NHS: variants seen among roughly 807,000 people sequenced by gnomAD.
NHS encodes the protein NHS actin remodeling regulator, also known as actin remodeling regulator NHS.
NHS carries 5 observed loss-of-function variants against 72.5 expected under a neutral mutation model. That is an observed-to-expected ratio of 0.07 (90% CI 0.04 to 0.14). The LOEUF is 0.14. Ranked by LOEUF, NHS falls within the 10% of genes least tolerant of loss-of-function variation. The probability of loss-of-function intolerance (pLI) is 1.00; values close to 1 mark genes in which losing one functional copy is unlikely to be tolerated. For missense variants in NHS, 1,072 were observed against 1,355.7 expected (o/e 0.79, Z 3.29); for synonymous variants, 464 against 547.7 (o/e 0.85, Z 2.13).
intron 1 of NHS, among the ~76,000 whole-genome samples, chrX:17,433,426 G>A (rs1239932216): frequency 9.1e-6 from 1 of 110,295 alleles, no homozygotes; most frequent in Admixed American, 9.7e-5. Flanking sequence ...TGCTTCTTTG[G>A]TTCATAGCTG....
intron 1 of NHS, among the ~76,000 whole-genome samples, chrX:17,603,290 C>T (rs1205021377): frequency 1.8e-5 from 2 of 112,326 alleles, no homozygotes; most frequent in African/African-American, 3.2e-5. Context: ...TTTGTGCACA[C>T]ATTTGTATTT....
At chrX:17,623,203 T>A (rs1348712351) in intron 1 of NHS, among the ~76,000 whole-genome samples, 1 of 112,218 alleles carries the variant, frequency 8.9e-6, no homozygotes, top group African/African-American at 3.2e-5. Context: ...CCTCCCAAAG[T>A]GCTCGGATTA....
chrX:17,613,761 T>A (rs2147058300), intron 1 of NHS, among the ~76,000 whole-genome samples: 1 of 112,200 alleles, frequency 8.9e-6, no homozygotes, highest in South Asian at 3.7e-4. Flanking sequence ...AGAAATATTT[T>A]AAATGTACTG....
At chrX:17,690,350 C>G (rs777259272) in intron 2 of NHS, among the ~76,000 whole-genome samples, 1 of 112,302 alleles carries the variant, frequency 8.9e-6, no homozygotes, top group Admixed American at 9.4e-5. Context: ...TCAGCAAATG[C>G]TGCAGTGAGC....
At chrX:17,440,693 C>A (rs1028122139) in intron 1 of NHS, among the ~76,000 whole-genome samples, 8 of 111,583 alleles carry the variant, frequency 7.2e-5, no homozygotes, top group Non-Finnish European at 1.5e-4. Flanking sequence ...AAGGAAATTC[C>A]TTGTTTTCCT....
intron 1 of NHS, among the ~76,000 whole-genome samples, chrX:17,486,947 T>C (rs2064969868): frequency 9.0e-6 from 1 of 111,042 alleles, no homozygotes; most frequent in Admixed American, 9.6e-5. Flanking sequence ...GTAAGAAAAC[T>C]GAGGCACAGA....
chrX:17,511,368 A>G (rs2065086971), intron 1 of NHS, among the ~76,000 whole-genome samples: 2 of 111,709 alleles, frequency 1.8e-5, no homozygotes, highest in South Asian at 7.6e-4. Flanking sequence ...TGCCCCTGTC[A>G]CATAGTATAG....
intron 1 of NHS, among the ~76,000 whole-genome samples, chrX:17,575,195 A>C (rs755397406): frequency 8.9e-6 from 1 of 112,131 alleles, no homozygotes; most frequent in Non-Finnish European, 1.9e-5. Context: ...TGGGTCACAC[A>C]CTGGCGTGCC....
At chrX:17,544,031 T>C (rs1401748232) in intron 1 of NHS, among the ~76,000 whole-genome samples, 1 of 112,525 alleles carries the variant, frequency 8.9e-6, no homozygotes. Context: ...CTAGATAATA[T>C]TTTCTTTCAA....
At chrX:17,607,531 C>T (rs1209923839) in intron 1 of NHS, among the ~76,000 whole-genome samples, 1 of 111,527 alleles carries the variant, frequency 9.0e-6, no homozygotes, top group Non-Finnish European at 1.9e-5. Flanking sequence ...TTCTGTTTCT[C>T]CCCCTAGTAA....
At chrX:17,414,933 A>G (rs1338169516) in intron 1 of NHS, among the ~76,000 whole-genome samples, 1 of 111,315 alleles carries the variant, frequency 9.0e-6, no homozygotes, top group Non-Finnish European at 1.9e-5. Flanking sequence ...GAAAGGCAGA[A>G]GAGAAAATGG....
chrX:17,617,197 A>C (rs1263193521), intron 1 of NHS, among the ~76,000 whole-genome samples: 1 of 111,772 alleles, frequency 8.9e-6, no homozygotes, highest in Non-Finnish European at 1.9e-5. Context: ...TAGGCTGTGA[A>C]TTGGGGTCTG....
chrX:17,715,982 T>C (rs753183695), intron 3 of NHS, among the ~76,000 whole-genome samples: 1 of 111,961 alleles, frequency 8.9e-6, no homozygotes, highest in Non-Finnish European at 1.9e-5. Flanking sequence ...TCCCTCCACA[T>C]CCAAGCTCCA....
chrX:17,656,285 G>A (rs933912264), intron 1 of NHS, among the ~76,000 whole-genome samples: 4 of 113,582 alleles, frequency 3.5e-5, no homozygotes, highest in Non-Finnish European at 7.5e-5. Flanking sequence ...CTGAGCGGGC[G>A]CCAGGGGAGG....
rs1267166704 is a variant in NHS, at chrX:17,685,616, CTTGATAT to C, written c.566-2123_566-2117del. 7.2e-5 allele frequency among the ~76,000 whole-genome samples: 8 copies of C among 111,031 alleles called. No homozygotes were observed. The South Asian group carries it at 2.7e-3, about 37-fold the overall frequency. ...AAAAAATGCTTTTTTTTTCAGGTAA[CTTGATAT>C]TTAATATTTAATAATGAGGGAAGAG... On this transcript the variant is annotated intron_variant, in intron 1 of 8. Coordinates refer to ENST00000676302, the MANE Select transcript of NHS (RefSeq NM_001291867.2).
At chrX:17,440,938 G>C (rs1276620238) in intron 1 of NHS, among the ~76,000 whole-genome samples, 2 of 111,331 alleles carry the variant, frequency 1.8e-5, no homozygotes, top group Non-Finnish European at 3.8e-5. Context: ...GGAGCCCAAG[G>C]AGCTATCCTC....
At chrX:17,518,514 C>T (rs1188699050) in intron 1 of NHS, among the ~76,000 whole-genome samples, 1 of 111,648 alleles carries the variant, frequency 9.0e-6, no homozygotes, top group African/African-American at 3.3e-5. Flanking sequence ...CCTGAACACA[C>T]CAAGCAAGAG....
intron 1 of NHS, among the ~76,000 whole-genome samples, chrX:17,615,175 ATATATATAG>A (rs2065735386): frequency 2.5e-5 from 1 of 40,595 alleles, no homozygotes. Context: ...ATATATACGT[ATATATATAG>A]TATATATACA....
intron 1 of NHS, among the ~76,000 whole-genome samples, chrX:17,386,011 A>G (rs1475414277): frequency 9.0e-6 from 1 of 111,720 alleles, no homozygotes; most frequent in Admixed American, 9.5e-5. Flanking sequence ...ATGCCCTCTG[A>G]GACTCCAGGG....
Sources: gnomAD v4.1 joint callset for allele counts (sites outside exome capture counted in the v4.1 genomes callset) on GRCh38, gnomAD v4.1.1 for gene constraint, MANE v1.5 for transcripts, NCBI Gene and HGNC (gene_info 2026-07-23, HGNC 2026-07-21) for gene names.